The following HSD17B12 variants were observed in gnomAD, a reference collection of about 807,000 sequenced individuals.
The protein encoded by HSD17B12 is hydroxysteroid 17-beta dehydrogenase 12, also known as very-long-chain 3-oxoacyl-CoA reductase.
A neutral mutation model predicts 39.3 loss-of-function variants in HSD17B12; 32 were observed. The ratio of observed to expected loss-of-function variants is 0.81; its 90% confidence interval spans 0.61 to 1.09. The LOEUF is 1.09. Among genes scored for constraint, HSD17B12 ranks in the 50% least tolerant of loss-of-function variants. The pLI is 0.00. For missense variants in HSD17B12, 342 were observed against 382.9 expected (o/e 0.89, Z 0.89); for synonymous variants, 150 against 146.7 (o/e 1.02, Z -0.16).
intron 1 of HSD17B12, among the ~76,000 whole-genome samples, chr11:43,728,718 C>T (rs116756418): frequency 0.02 from 3,084 of 152,148 alleles, 102 homozygotes; most frequent in African/African-American, 0.07. Context: ...TAAAGATCTT[C>T]TGGAGAAATA....
At chr11:43,755,388 T>A (rs1340720702) in intron 3 of HSD17B12, 1 of 152,572 alleles carries the variant, frequency 6.6e-6, no homozygotes, top group Non-Finnish European at 1.5e-5. Flanking sequence ...AATGATAGAA[T>A]ATGGGTGTGA....
chr11:43,840,171 A>G, intron 9 of HSD17B12, 107 bp downstream of exon 9: 1 of 817,568 alleles, frequency 1.2e-6, no homozygotes, highest in South Asian at 1.6e-5. Context: ...AAGTAAGTGA[A>G]TGTGACATTA....
the HSD17B12 span, among the ~76,000 whole-genome samples, chr11:43,566,315 T>C: frequency 6.6e-6 from 1 of 152,162 alleles, no homozygotes; most frequent in African/African-American, 2.4e-5. Context: ...TTTTTAACCT[T>C]CCTGAATGGC....
the HSD17B12 span, among the ~76,000 whole-genome samples, chr11:43,664,440 A>G: frequency 6.6e-6 from 1 of 152,170 alleles, no homozygotes; most frequent in Non-Finnish European, 1.5e-5. Context: ...CTCAGAGTTC[A>G]TTCCTCAGTT....
the HSD17B12 span, among the ~76,000 whole-genome samples, chr11:43,636,194 A>C: frequency 7.2e-5 from 11 of 152,368 alleles, 1 homozygote; most frequent in South Asian, 2.3e-3. Flanking sequence ...TAAAGTAGCA[A>C]GCCTCTAGTG....
At position 43,702,720 on chromosome 11, in the gene HSD17B12, G is replaced by T. The variant is rs371130402; in HGVS notation, c.160+21733G>T. On this transcript the variant is annotated intron_variant, in intron 1 of 10. Coordinates refer to ENST00000278353, the MANE Select transcript of HSD17B12 (RefSeq NM_016142.3). ...TCTAATGCAAGCTTGTCCAATCTGCGGCCAATGGGCCACATGTGGCCCAGG... is the reference window on the plus strand; with the variant it reads ...TCTAATGCAAGCTTGTCCAATCTGCTGCCAATGGGCCACATGTGGCCCAGG... Among the ~76,000 whole-genome samples, 5 of 152,180 alleles carry T rather than the reference G, an allele frequency of 3.3e-5. No homozygotes were observed. In the South Asian group the frequency reaches 6.2e-4, roughly 19 times the overall value.
chr11:43,581,008 G>T, the HSD17B12 span, among the ~76,000 whole-genome samples: 156 of 152,194 alleles, frequency 1.0e-3, no homozygotes, highest in Non-Finnish European at 1.9e-3. This position sits in a 1 kb window ranked among gnomAD's most constrained non-coding sequence, Gnocchi z 4.9. Context: ...GGGGGAATCC[G>T]AACTGTACCT....
At chr11:43,726,253 T>G (rs1950218995) in intron 1 of HSD17B12, among the ~76,000 whole-genome samples, 2 of 152,074 alleles carry the variant, frequency 1.3e-5, no homozygotes, top group Non-Finnish European at 2.9e-5. Context: ...TGGCCCAGGT[T>G]TATTTGCCCT....
chr11:43,582,331 G>C, the HSD17B12 span, among the ~76,000 whole-genome samples: 1 of 152,154 alleles, frequency 6.6e-6, no homozygotes, highest in Non-Finnish European at 1.5e-5. Flanking sequence ...TCCTGGGGAG[G>C]GGGGCAAAGC....
In HSD17B12 at chr11:43,680,774, A is replaced by G; in HGVS notation, c.-54A>G. The G allele has an allele frequency of 6.6e-7, 1 of 1,510,962 alleles. No homozygotes were observed. The highest frequency in any genetic ancestry group is 9.2e-7 in the Non-Finnish European group (1 of 1,086,766). 93.6% of individuals were successfully genotyped at this position (1,510,962 alleles called of 1,614,324 possible). A position where few individuals can be genotyped will look rare whatever the true frequency, so the allele number is the denominator to read the frequency against. ...CGTCACGGCCGGCGCCTCCTCCTGG[A>G]TTCATTCACTCGCTCTTTTCATTCA... On this transcript the variant is annotated 5_prime_UTR_variant, in exon 1 of 11. Coordinates refer to ENST00000278353, the MANE Select transcript of HSD17B12 (RefSeq NM_016142.3).
chr11:43,770,190 T>G (rs943820224), intron 3 of HSD17B12, among the ~76,000 whole-genome samples: 1 of 152,140 alleles, frequency 6.6e-6, no homozygotes, highest in Non-Finnish European at 1.5e-5. Context: ...GTTGAGCTGA[T>G]TGTTTGTTTT....
the HSD17B12 span, among the ~76,000 whole-genome samples, chr11:43,666,317 A>G: frequency 1.1e-4 from 16 of 151,826 alleles, no homozygotes; most frequent in African/African-American, 3.9e-4. Context: ...GATCCTCCCA[A>G]CCTCAGCTCC....
At chr11:43,680,583 T>A (rs1281554201), upstream of HSD17B12, 2 of 502,782 alleles carry the variant, frequency 4.0e-6, no homozygotes, top group Non-Finnish European at 7.2e-6. Flanking sequence ...GGGGACGCGG[T>A]GATGGGAGGA....
chr11:43,791,885 T>C (rs1198660109), intron 3 of HSD17B12, among the ~76,000 whole-genome samples: 1 of 152,220 alleles, frequency 6.6e-6, no homozygotes, highest in East Asian at 1.9e-4. Context: ...TGAGATAGAA[T>C]CCTGATGAGC....
chr11:43,621,939 TA>T, the HSD17B12 span, among the ~76,000 whole-genome samples: 1 of 152,198 alleles, frequency 6.6e-6, no homozygotes, highest in East Asian at 1.9e-4. Flanking sequence ...GAGGCTGCAC[TA>T]AAAAATCCAC....
the HSD17B12 span, among the ~76,000 whole-genome samples, chr11:43,654,789 G>C: frequency 6.6e-6 from 1 of 152,108 alleles, no homozygotes; most frequent in Non-Finnish European, 1.5e-5. Flanking sequence ...TGCTGTTTTG[G>C]TTACTGTAGC....
At position 43,698,448 on chromosome 11, in the gene HSD17B12, A is replaced by G. The variant is rs117862761; in HGVS notation, c.160+17461A>G. Among the ~76,000 whole-genome samples the G allele has an allele frequency of 1.5e-4, 23 of 152,288 alleles. 1 individual carries two copies. In the East Asian group the frequency reaches 4.4e-3, roughly 29 times the overall value. On this transcript the variant is annotated intron_variant, in intron 1 of 10. Transcript: ENST00000278353. ...AATAGTTTAGGAAAAGGAAAATGTT[A>G]TTTTTTAATAAGTTGAGTGTATTCC...
At chr11:43,619,247 T>TATATATAAATGATATATATATATAAA in the HSD17B12 span, among the ~76,000 whole-genome samples, 1 of 50,296 alleles carries the variant, frequency 2.0e-5, no homozygotes, top group Non-Finnish European at 4.0e-5. Context: ...ATATATAAAA[T>TATATATAAATGATATATATATATAAA]ATATATATAT....
the HSD17B12 span, among the ~76,000 whole-genome samples, chr11:43,580,476 G>C: frequency 6.6e-6 from 1 of 152,262 alleles, no homozygotes; most frequent in South Asian, 2.1e-4. Flanking sequence ...GCGGAGGGAG[G>C]AGCTTCACCT....
Sources: gnomAD v4.1 joint callset for allele counts (sites outside exome capture counted in the v4.1 genomes callset) on GRCh38, gnomAD v4.1.1 for gene constraint, Gnocchi (gnomAD v3.1) non-coding constraint, MANE v1.5 for transcripts, NCBI Gene and HGNC (gene_info 2026-07-23, HGNC 2026-07-21) for gene names.